Variants in ZNF503 observed in about 807,000 individuals in gnomAD.
ZNF503 encodes NocA-like zinc finger 2.
Under a neutral mutation model 34.4 loss-of-function variants are expected in ZNF503, and 15 were observed. The ratio of observed to expected loss-of-function variants is 0.44; its 90% CI spans 0.29 to 0.67. The LOEUF (loss-of-function observed/expected upper bound fraction) is 0.67. Among genes scored for constraint, ZNF503 ranks in the 30% least tolerant of loss-of-function variants. The pLI is 0.13. For missense variants in ZNF503, 1,007 were observed against 926.8 expected (o/e 1.09, Z -1.12); for synonymous variants, 580 against 456.8 (o/e 1.27, Z -3.44).
At chr10:75,329,381 T>TCTTCCTTCCTTCCTTCCTTC in the ZNF503 span, among the ~76,000 whole-genome samples, 6 of 129,184 alleles carry the variant, frequency 4.6e-5, no homozygotes, top group African/African-American at 1.9e-4. Flanking sequence ...CTTCTTTCTT[T>TCTTCCTTCCTTCCTTCCTTC]CTTCCTTCCT....
At chr10:75,324,629 T>C in the ZNF503 span, among the ~76,000 whole-genome samples, 2 of 152,246 alleles carry the variant, frequency 1.3e-5, no homozygotes, top group Admixed American at 6.5e-5. Context: ...ATCCAGCCTA[T>C]GATCCATCTA....
chr10:75,397,735 AC>A (rs1301775688), downstream of ZNF503: 1 of 152,354 alleles, frequency 6.6e-6, no homozygotes, highest in African/African-American at 2.4e-5. Context: ...AAATTCAGCC[AC>A]GGTCCCGGGA....
chr10:75,390,295 T>G, the ZNF503 span, among the ~76,000 whole-genome samples: 1 of 152,042 alleles, frequency 6.6e-6, no homozygotes, highest in Non-Finnish European at 1.5e-5. Flanking sequence ...CCTCTTTATT[T>G]CCATCTCTCT....
the ZNF503 span, among the ~76,000 whole-genome samples, chr10:75,302,047 G>GAC: frequency 6.6e-6 from 1 of 152,190 alleles, no homozygotes; most frequent in Non-Finnish European, 1.5e-5. Flanking sequence ...TTGTAAGGCA[G>GAC]ACATGCTAGC....
At chr10:75,323,780 C>A in the ZNF503 span, among the ~76,000 whole-genome samples, 12 of 152,020 alleles carry the variant, frequency 7.9e-5, no homozygotes, top group Non-Finnish European at 1.5e-4. Flanking sequence ...GCGGGCAGAT[C>A]ACCAGAGGTC....
At chr10:75,286,945 G>A in the ZNF503 span, among the ~76,000 whole-genome samples, 11 of 152,300 alleles carry the variant, frequency 7.2e-5, no homozygotes, top group South Asian at 2.3e-3. Flanking sequence ...TGTTCCTTAA[G>A]CTCCCACCAC....
chr10:75,324,011 A>G, the ZNF503 span, among the ~76,000 whole-genome samples: 18 of 151,178 alleles, frequency 1.2e-4, no homozygotes, highest in Non-Finnish European at 1.5e-5. Context: ...AAAAAAAAAA[A>G]AAGGGTTGCT....
the ZNF503 span, among the ~76,000 whole-genome samples, chr10:75,330,115 A>G: frequency 1.3e-5 from 2 of 152,140 alleles, no homozygotes; most frequent in East Asian, 3.9e-4. Context: ...AGATGATCAT[A>G]TGGTTTTTGT....
downstream of ZNF503, among the ~76,000 whole-genome samples, chr10:75,394,480 T>C (rs1324589279): frequency 1.3e-5 from 2 of 152,206 alleles, no homozygotes; most frequent in African/African-American, 4.8e-5. Flanking sequence ...AGGGGATAAG[T>C]CCCACCTTCT....
chr10:75,322,949 T>C, the ZNF503 span, among the ~76,000 whole-genome samples: 1 of 152,214 alleles, frequency 6.6e-6, no homozygotes, highest in Admixed American at 6.5e-5. Flanking sequence ...ATACAGTAAA[T>C]TTTATTCTTT....
chr10:75,287,654 G>A, the ZNF503 span, among the ~76,000 whole-genome samples: 2 of 152,170 alleles, frequency 1.3e-5, no homozygotes, highest in African/African-American at 4.8e-5. Flanking sequence ...CTTGAGCAGG[G>A]CAGGAGTGAG....
At chr10:75,314,077 C>T in the ZNF503 span, among the ~76,000 whole-genome samples, 1 of 151,818 alleles carries the variant, frequency 6.6e-6, no homozygotes, top group Non-Finnish European at 1.5e-5. Flanking sequence ...AATAATATTC[C>T]AGTAACCAAC....
chr10:75,383,098 T>C, the ZNF503 span, among the ~76,000 whole-genome samples: 1 of 152,192 alleles, frequency 6.6e-6, no homozygotes, highest in Admixed American at 6.5e-5. Flanking sequence ...GACTTGCTCT[T>C]GATGTCAGGA....
the ZNF503 span, among the ~76,000 whole-genome samples, chr10:75,351,681 T>G: frequency 2.0e-5 from 3 of 151,994 alleles, no homozygotes; most frequent in African/African-American, 7.2e-5. Flanking sequence ...CCCAGGAGAG[T>G]CAACTCCTCC....
the ZNF503 span, among the ~76,000 whole-genome samples, chr10:75,317,734 A>G: frequency 1.6e-3 from 244 of 149,552 alleles, no homozygotes; most frequent in African/African-American, 5.8e-3. Flanking sequence ...GGTGGCTCAT[A>G]CCTATAATCC....
the ZNF503 span, among the ~76,000 whole-genome samples, chr10:75,310,230 C>G: frequency 6.6e-6 from 1 of 152,108 alleles, no homozygotes; most frequent in Non-Finnish European, 1.5e-5. Context: ...TATTAGAAAA[C>G]TCTGAAGGGT....
the ZNF503 span, among the ~76,000 whole-genome samples, chr10:75,366,999 T>C: frequency 6.6e-6 from 1 of 152,172 alleles, no homozygotes; most frequent in Admixed American, 6.6e-5. Context: ...CATCTCAGAA[T>C]CTGCTTCTGC....
chr10:75,355,017 G>C, the ZNF503 span, among the ~76,000 whole-genome samples: 1 of 150,696 alleles, frequency 6.6e-6, no homozygotes, highest in Admixed American at 6.6e-5. Flanking sequence ...TTTTTTTTTT[G>C]TATTTTTAGT....
the ZNF503 span, among the ~76,000 whole-genome samples, chr10:75,300,826 C>T: frequency 6.6e-6 from 1 of 150,984 alleles, no homozygotes; most frequent in Admixed American, 6.6e-5. Flanking sequence ...CTGCCTCAGC[C>T]TCCCGAGTAG....
Sources: gnomAD v4.1 joint callset for allele counts (sites outside exome capture counted in the v4.1 genomes callset) on GRCh38, gnomAD v4.1.1 for gene constraint, MANE v1.5 for transcripts, NCBI Gene and HGNC (gene_info 2026-07-23, HGNC 2026-07-21) for gene names.